The following ARHGEF6 variants were observed in gnomAD, a reference collection of about 807,000 sequenced individuals.
ARHGEF6 encodes the protein rho guanine nucleotide exchange factor 6.
In ARHGEF6, 9 loss-of-function variants were observed where a neutral mutation model predicts 70.3. The observed-to-expected ratio is 0.13, with a 90% CI of 0.08 to 0.22. The LOEUF (loss-of-function observed/expected upper bound fraction) is 0.22, where lower values mean the gene tolerates loss of function less well. Among genes scored for constraint, ARHGEF6 ranks in the 10% least tolerant of loss-of-function variants. The pLI is 1.00. For synonymous variants in ARHGEF6, 201 were observed against 207.8 expected (o/e 0.97, Z 0.28); for missense variants, 470 against 563.0 (o/e 0.83, Z 1.67).
At position 136,770,989 on chromosome X, in the gene ARHGEF6, C is replaced by T. The variant is rs1276900903; in HGVS notation, c.249+8425G>A. Among the ~76,000 whole-genome samples the T allele has an allele frequency of 6.2e-5, 7 of 112,185 alleles. No homozygotes were observed. The Admixed American group carries it at 6.6e-4, about 11-fold the overall frequency. ...TCCAGCCTGGGCAACAGAGTAAGAC[C>T]TTGTCTCAAAAAAATAATTATATTT... On this transcript the variant is annotated intron_variant, in intron 2 of 21. Coordinates refer to ENST00000250617, the MANE Select transcript of ARHGEF6 (RefSeq NM_004840.3).
At chrX:136,685,583 A>C in intron 12 of ARHGEF6, 94 bp downstream of exon 12, 7 of 1,035,303 alleles carry the variant, frequency 6.8e-6, no homozygotes, top group Non-Finnish European at 7.9e-6. Flanking sequence ...CTCCAGCCTG[A>C]GTGACAGAAC....
intron 6 of ARHGEF6, among the ~76,000 whole-genome samples, chrX:136,726,136 C>T (rs1184983080): frequency 6.3e-5 from 7 of 111,456 alleles, no homozygotes; most frequent in Admixed American, 5.7e-4. Flanking sequence ...AATTATGGTG[C>T]CTATGAAAAT....
chrX:136,734,255 T>G (rs1972452112), intron 5 of ARHGEF6, among the ~76,000 whole-genome samples: 2 of 111,617 alleles, frequency 1.8e-5, no homozygotes, highest in Admixed American at 1.9e-4. Context: ...TCCGCCTGGA[T>G]CCACTGGTGG....
intron 5 of ARHGEF6, among the ~76,000 whole-genome samples, chrX:136,741,186 C>CGG (rs973733424): frequency 9.0e-6 from 1 of 111,246 alleles, no homozygotes; most frequent in African/African-American, 3.3e-5. Context: ...CTCTGGTTGT[C>CGG]GGGGGGAGAG....
At chrX:136,771,121 G>C (rs1201044313) in intron 2 of ARHGEF6, among the ~76,000 whole-genome samples, 1 of 112,535 alleles carries the variant, frequency 8.9e-6, no homozygotes, top group Non-Finnish European at 1.9e-5. Context: ...AACCAAGCAG[G>C]TATAAGACAT....
Position 136,672,004 on chromosome X carries a change from T to C in ARHGEF6, c.2135+16A>G. 3 of 1,187,746 alleles carry C rather than the reference T, an allele frequency of 2.5e-6. No homozygotes were observed. The highest frequency in any genetic ancestry group is 3.4e-6 in the Non-Finnish European group (3 of 873,515). ...CCCCAAGAGAAACTAGGCAAGGTTTTGCCTGCTCTACTCACTTTTCTTCCA... is the reference window on the plus strand; with the variant it reads ...CCCCAAGAGAAACTAGGCAAGGTTTCGCCTGCTCTACTCACTTTTCTTCCA... On this transcript the variant is annotated intron_variant, in intron 20 of 21. Coordinates refer to ENST00000250617, the MANE Select transcript of ARHGEF6 (RefSeq NM_004840.3).
At chrX:136,755,038 A>G (rs1440106671) in intron 2 of ARHGEF6, among the ~76,000 whole-genome samples, 2 of 112,288 alleles carry the variant, frequency 1.8e-5, no homozygotes, top group Non-Finnish European at 3.8e-5. Context: ...CCTGCCACTT[A>G]GCCTCTGTGA....
chrX:136,711,280 A>G (rs1017876237), intron 7 of ARHGEF6, among the ~76,000 whole-genome samples: 2 of 111,775 alleles, frequency 1.8e-5, no homozygotes, highest in Non-Finnish European at 3.8e-5. Context: ...TTACCACTTC[A>G]GTTTCCATCT....
chrX:136,675,673 A>G (rs1270578789), intron 18 of ARHGEF6, among the ~76,000 whole-genome samples: 2 of 107,804 alleles, frequency 1.9e-5, no homozygotes, highest in African/African-American at 6.8e-5. Flanking sequence ...CCGCCACCAC[A>G]CCCGGCTAAT....
chrX:136,669,375 C>T, intron 21 of ARHGEF6, 107 bp downstream of exon 21: 3 of 697,213 alleles, frequency 4.3e-6, no homozygotes, highest in Non-Finnish European at 6.8e-6. Flanking sequence ...AACAAAAATC[C>T]CCCCTCGCTA....
At chrX:136,738,519 G>A (rs2077010192) in intron 5 of ARHGEF6, among the ~76,000 whole-genome samples, 1 of 112,548 alleles carries the variant, frequency 8.9e-6, no homozygotes, top group African/African-American at 3.2e-5. Context: ...GTCAAGATGA[G>A]TTATGCTCCT....
chrX:136,734,301 C>T (rs2076964938), intron 5 of ARHGEF6, among the ~76,000 whole-genome samples: 1 of 111,345 alleles, frequency 9.0e-6, no homozygotes. Context: ...TGACCACTAT[C>T]AGAAATGAAA....
rs990693254 is a variant in ARHGEF6 at position 136,729,591 on chromosome X, G to A, written c.732+2511C>T. Among the ~76,000 whole-genome samples, 5 of 107,438 alleles carry A rather than the reference G, an allele frequency of 4.7e-5. No individual in the cohort carries two copies. The East Asian group carries it at 1.2e-3, about 25-fold the overall frequency. The allele number at this position is 107,438 out of a possible 115,157, so 93.3% of individuals were successfully genotyped here. A position where few individuals can be genotyped will look rare whatever the true frequency, so the allele number is the denominator to read the frequency against. On this transcript the variant is annotated intron_variant, in intron 6 of 21. Coordinates refer to ENST00000250617, the MANE Select transcript of ARHGEF6 (RefSeq NM_004840.3). ...TCACACCTGTAATCCCAGCACTTTC[G>A]GAGGCCAAGGCGGGCAGATAACGAA...
chrX:136,739,593 GAAAT>G (rs1002058887), intron 5 of ARHGEF6, among the ~76,000 whole-genome samples: 4 of 112,712 alleles, frequency 3.5e-5, no homozygotes, highest in East Asian at 2.8e-4. Context: ...AACAGTAAAT[GAAAT>G]AAATAAGTAA....
chrX:136,686,740 C>T (rs1322301845), intron 11 of ARHGEF6, among the ~76,000 whole-genome samples: 2 of 87,310 alleles, frequency 2.3e-5, no homozygotes, highest in Non-Finnish European at 4.4e-5. Context: ...ATATATATCT[C>T]ACTGCTTAAG....
intron 6 of ARHGEF6, among the ~76,000 whole-genome samples, chrX:136,718,910 T>C (rs1032045853): frequency 3.7e-5 from 4 of 108,256 alleles, no homozygotes; most frequent in Non-Finnish European, 7.7e-5. Context: ...GCCATCATAG[T>C]TGTAAACTAT....
intron 6 of ARHGEF6, among the ~76,000 whole-genome samples, chrX:136,717,728 G>A (rs2076751271): frequency 9.0e-6 from 1 of 111,233 alleles, no homozygotes; most frequent in South Asian, 3.8e-4. Flanking sequence ...GTAATAATTA[G>A]GAATACTATG....
intron 6 of ARHGEF6, 133 bp downstream of exon 6, chrX:136,731,969 G>T (rs1004311670): frequency 2.1e-6 from 1 of 487,796 alleles, no homozygotes; most frequent in African/African-American, 2.4e-5. Flanking sequence ...ACTGTAATGC[G>T]AATGGCATTA....
chrX:136,779,478 G>T lies in ARHGEF6; in HGVS notation c.185C>A (p.Thr62Asn), dbSNP rs759335080. 1.7e-6 allele frequency: 2 copies of T among 1,210,756 alleles called. No homozygotes were observed. Among genetic ancestry groups the T allele is most frequent in the South Asian group, 3.5e-5 (2 of 56,975 alleles). ...GATGTTGTTGATGCAGTCAGCTTCA[G>T]TTTGGGGATCCAGACAAAACTAGAG... Reference protein sequence around the residue: ...SVEKFCLDPQTEADCINNIND... With the variant: ...SVEKFCLDPQNEADCINNIND... Residue 62 changes from threonine (T) to asparagine (N), a missense_variant, in exon 2 of 22, where the codon ACT becomes AAT. Coordinates refer to ENST00000250617, the MANE Select transcript of ARHGEF6 (RefSeq NM_004840.3).
Sources: gnomAD v4.1 joint callset for allele counts (sites outside exome capture counted in the v4.1 genomes callset) on GRCh38, gnomAD v4.1.1 for gene constraint, MANE v1.5 for transcripts, NCBI Gene and HGNC (gene_info 2026-07-23, HGNC 2026-07-21) for gene names.